Variants in ESCO1 observed in about 807,000 individuals in gnomAD.
ESCO1 encodes establishment of sister chromatid cohesion N-acetyltransferase 1.
A neutral mutation model predicts 83.5 loss-of-function variants in ESCO1; 33 were observed. The observed-to-expected ratio is 0.40, with a 90% confidence interval of 0.30 to 0.53. The LOEUF (loss-of-function observed/expected upper bound fraction) is 0.53, where lower values mean the gene tolerates loss of function less well. Ranked by LOEUF, ESCO1 falls within the 20% of genes least tolerant of loss-of-function variation. ESCO1 has a pLI of 0.63. For synonymous variants in ESCO1, 332 were observed against 324.3 expected (o/e 1.02, Z -0.25); for missense variants, 855 against 968.0 (o/e 0.88, Z 1.55).
chr18:21,579,790 GCGCGCACACACA>G (rs1271870669), intron 2 of ESCO1, among the ~76,000 whole-genome samples: 5 of 40,314 alleles, frequency 1.2e-4, no homozygotes, highest in South Asian at 7.7e-4. Context: ...ACACACGCGC[GCGCGCACACACA>G]CACACACACA....
Position 21,575,207 on chromosome 18 carries a change from A to G in ESCO1, c.-364T>C, listed in dbSNP as rs962298195. ...TAATTTTGGTTTCAGGCCTAGCTCT[A>G]TTACTGGAGGAGTTATTTATCAGTG... On this transcript the variant is annotated 5_prime_UTR_variant, in exon 4 of 12. Coordinates refer to ENST00000269214, the MANE Select transcript of ESCO1 (RefSeq NM_052911.3). 3.7e-5 allele frequency: 14 copies of G among 383,060 alleles called. No homozygotes were observed. The South Asian group carries it at 1.4e-3, about 38-fold the overall frequency. 23.7% of individuals were successfully genotyped at this position (383,060 alleles called of 1,614,324 possible).
chr18:21,575,080 A>G lies in ESCO1; in HGVS notation c.-237T>C, dbSNP rs895673601. On this transcript the variant is annotated 5_prime_UTR_variant, in exon 4 of 12. Transcript: ENST00000269214. ...CTAAAAGACACTTGCTTTACTTTGG[A>G]CAAGGTAATAAAAATTTGAGGAAAA... 1.1e-5 allele frequency: 4 copies of G among 380,878 alleles called. No homozygotes were observed. Among genetic ancestry groups the G allele is most frequent in the Non-Finnish European group, 9.3e-6 (2 of 216,092 alleles). The allele number at this position is 380,878 out of a possible 1,614,324, so 23.6% of individuals were successfully genotyped here.
At chr18:21,590,946 GAAA>G (rs906016698) in intron 1 of ESCO1, among the ~76,000 whole-genome samples, 14 of 117,342 alleles carry the variant, frequency 1.2e-4, no homozygotes, top group African/African-American at 4.3e-4. Context: ...TGTCTCAAAA[GAAA>G]AAAAAAAAAG....
At position 21,574,368 on chromosome 18, in the gene ESCO1, T is replaced by G; in HGVS notation, c.476A>C (p.Gln159Pro). 6.2e-7 allele frequency: 1 copy of G among 1,614,112 alleles called. No individual in the cohort carries two copies. Among genetic ancestry groups the G allele is most frequent in the Non-Finnish European group, 8.5e-7 (1 of 1,180,026 alleles). ...AGATTTACTCTGAGTACTGCTACACTGCTCTTTTTTAGTTGGTGGCAAACT... is the reference window on the plus strand; with the variant it reads ...AGATTTACTCTGAGTACTGCTACACGGCTCTTTTTTAGTTGGTGGCAAACT... The part of the protein sequence containing the change: ...KQSLPPTKKE[Q>P]CSSTQSKSNK... The change falls in exon 4 of 12, where the codon CAG (glutamine) becomes CCG (proline). Residue 159 changes from glutamine (Q) to proline (P), a missense_variant. Coordinates refer to ENST00000269214, the MANE Select transcript of ESCO1 (RefSeq NM_052911.3).
chr18:21,542,238 T>G (rs2037916340), intron 8 of ESCO1, among the ~76,000 whole-genome samples: 1 of 152,116 alleles, frequency 6.6e-6, no homozygotes, highest in South Asian at 2.1e-4. Flanking sequence ...CAGGCTGGAG[T>G]GCAGTGGCAA....
chr18:21,557,507 G>A lies in ESCO1; in HGVS notation c.1953+3352C>T, dbSNP rs558371687. ...ATGATTTATTTAAATATTTAATATT[G>A]ATTTATTGCTTTAATAGTTTCTTAG... On this transcript the variant is annotated intron_variant, in intron 8 of 11. Coordinates refer to ENST00000269214, the MANE Select transcript of ESCO1 (RefSeq NM_052911.3). Among the ~76,000 whole-genome samples the A allele has an allele frequency of 6.6e-5, 10 of 152,236 alleles. No individual in the cohort carries two copies. The East Asian group carries it at 1.9e-3, about 29-fold the overall frequency.
chr18:21,579,788 G>GCA (rs1568109767), intron 2 of ESCO1, among the ~76,000 whole-genome samples: 6 of 39,822 alleles, frequency 1.5e-4, no homozygotes, highest in African/African-American at 3.5e-4. Context: ...ACACACACGC[G>GCA]CGCGCGCACA....
intron 11 of ESCO1, 24 bp from the exon 12 acceptor site, chr18:21,530,514 GGA>G: frequency 7.2e-7 from 1 of 1,383,224 alleles, no homozygotes; most frequent in Non-Finnish European, 9.7e-7. Context: ...ATGGGGGGGG[GGA>G]AGGGTTAAGT....
At chr18:21,595,452 G>A (rs962264303) in intron 1 of ESCO1, among the ~76,000 whole-genome samples, 1 of 150,926 alleles carries the variant, frequency 6.6e-6, no homozygotes, top group African/African-American at 2.4e-5. Flanking sequence ...GGTGGATCAC[G>A]AGGTCAGGAG....
chr18:21,534,915 T>C (rs2037814573), intron 10 of ESCO1, among the ~76,000 whole-genome samples: 1 of 151,710 alleles, frequency 6.6e-6, no homozygotes, highest in South Asian at 2.1e-4. Flanking sequence ...TGAGCCACTA[T>C]GCCTGGTGGT....
At position 21,574,370 on chromosome 18, in the gene ESCO1, C is replaced by T; in HGVS notation, c.474G>A (p.Glu158=). Residue 158 remains glutamate (E), a synonymous_variant, in exon 4 of 12, where the codon GAG becomes GAA. Transcript: ENST00000269214. ...ATTTACTCTGAGTACTGCTACACTG[C>T]TCTTTTTTAGTTGGTGGCAAACTCT... ...VKQSLPPTKK[E]QCSSTQSKSN... is the part of the protein sequence containing the mutation. 6.2e-7 allele frequency: 1 copy of T among 1,614,014 alleles called. No homozygotes were observed.
In ESCO1 at chr18:21,530,439, T is replaced by C. The variant is rs373730930; in HGVS notation, c.2427A>G (p.Ser809=). 4.2e-4 allele frequency: 667 copies of C among 1,575,672 alleles called. 1 individual carries two copies. The highest frequency in any genetic ancestry group is 5.5e-4 in the Non-Finnish European group (638 of 1,160,050). ...ACAGCTTTCCATCAGGAGTGGGATCTGAGAAAGCAATTTCTTCTTTGCTCA... is the reference window on the plus strand; with the variant it reads ...ACAGCTTTCCATCAGGAGTGGGATCCGAGAAAGCAATTTCTTCTTTGCTCA... ...SYLSKEEIAF[S]DPTPDGKLFA... is the part of the protein sequence containing the mutation. The change falls in exon 12 of 12, where the codon TCA becomes TCG. Residue 809 remains serine (S), a synonymous_variant. Transcript: ENST00000269214.
rs118156801 is a variant in ESCO1, at chr18:21,599,521, C to A, written c.-825+1102G>T. Among the ~76,000 whole-genome samples, 5 of 152,276 alleles carry A rather than the reference C, an allele frequency of 3.3e-5. No homozygotes were observed. The East Asian group carries it at 9.6e-4, about 29-fold the overall frequency. On this transcript the variant is annotated intron_variant, in intron 1 of 11. Transcript: ENST00000269214. ...AAGCCAATGCTGGTGGGGGGACTAA[C>A]CACACCTTATGCCACCAAGTAGCGC...
At chr18:21,577,245 T>A (rs1221563605) in intron 2 of ESCO1, among the ~76,000 whole-genome samples, 2 of 150,500 alleles carry the variant, frequency 1.3e-5, no homozygotes, top group Non-Finnish European at 2.9e-5. Context: ...TAATCCCAGC[T>A]GCTCAGGAGG....
At chr18:21,560,142 C>A (rs2038163841) in intron 8 of ESCO1, among the ~76,000 whole-genome samples, 1 of 151,850 alleles carries the variant, frequency 6.6e-6, no homozygotes, top group Non-Finnish European at 1.5e-5. Context: ...AAAAGAGATT[C>A]CATTTCAGAT....
chr18:21,575,920 G>A (rs554705935), intron 2 of ESCO1, 143 bp from the exon 3 acceptor site: 28 of 389,824 alleles, frequency 7.2e-5, no homozygotes, highest in Non-Finnish European at 1.0e-4. Flanking sequence ...CATATTACAC[G>A]TACAGTATTT....
chr18:21,595,199 G>A (rs1316225994), intron 1 of ESCO1, among the ~76,000 whole-genome samples: 1 of 151,790 alleles, frequency 6.6e-6, no homozygotes, highest in Non-Finnish European at 1.5e-5. Context: ...CTGGGTATAG[G>A]CATATTCCCA....
chr18:21,556,854 C>T (rs139995747), intron 8 of ESCO1, among the ~76,000 whole-genome samples: 1 of 152,138 alleles, frequency 6.6e-6, no homozygotes, highest in African/African-American at 2.4e-5. Flanking sequence ...GCGCGTGCCA[C>T]CACACCCAAC....
At chr18:21,556,245 T>C (rs777451908) in intron 8 of ESCO1, among the ~76,000 whole-genome samples, 15 of 152,044 alleles carry the variant, frequency 9.9e-5, no homozygotes, top group Non-Finnish European at 1.9e-4. Context: ...CAGAGTAAGA[T>C]CCTGACTCAA....
Sources: gnomAD v4.1 joint callset for allele counts (sites outside exome capture counted in the v4.1 genomes callset) on GRCh38, gnomAD v4.1.1 for gene constraint, MANE v1.5 for transcripts, NCBI Gene and HGNC (gene_info 2026-07-23, HGNC 2026-07-21) for gene names.